Variants in WASHC4 observed in about 807,000 individuals in gnomAD.
WASHC4 encodes WASH complex subunit 7.
WASHC4 carries 86 observed loss-of-function variants against 166.6 expected under a neutral mutation model. That is an observed-to-expected ratio of 0.52 (90% CI 0.43 to 0.62). The LOEUF (loss-of-function observed/expected upper bound fraction) is 0.62. Among genes scored for constraint, WASHC4 ranks in the 20% least tolerant of loss-of-function variants. The pLI is 0.00. For synonymous variants in WASHC4, 446 were observed against 451.6 expected (o/e 0.99, Z 0.16); for missense variants, 1,262 against 1,382.4 (o/e 0.91, Z 1.38).
chr12:105,150,463 A>G lies in WASHC4; in HGVS notation c.2649+714A>G, dbSNP rs142677559. Among the ~76,000 whole-genome samples, 363 of 152,332 alleles carry G rather than the reference A, an allele frequency of 2.4e-3. 1 individual carries two copies. The highest frequency in any genetic ancestry group is 3.2e-3 in the Non-Finnish European group (219 of 68,024). On this transcript the variant is annotated intron_variant, in intron 25 of 32. Transcript: ENST00000332180. ...CCTAGCACTCCAAAAACACTTCACT[A>G]TTGATATTCCCACTGATAATTTATA...
intron 29 of WASHC4, among the ~76,000 whole-genome samples, chr12:105,160,515 G>A (rs1055832168): frequency 2.6e-5 from 4 of 151,806 alleles, no homozygotes; most frequent in African/African-American, 9.7e-5. Flanking sequence ...CCTAATTTTG[G>A]TAATTTGTTT....
At chr12:105,166,741 T>TTGA (rs1884831916) in intron 32 of WASHC4, 123 bp from the exon 33 acceptor site, 2 of 715,096 alleles carry the variant, frequency 2.8e-6, no homozygotes, top group Non-Finnish European at 5.0e-6. Flanking sequence ...AGAGAAACAT[T>TTGA]TGATGGATGC....
At chr12:105,137,406 A>G (rs559109146) in intron 14 of WASHC4, among the ~76,000 whole-genome samples, 5 of 152,290 alleles carry the variant, frequency 3.3e-5, no homozygotes, top group East Asian at 1.9e-4. Flanking sequence ...TTGGAACTCA[A>G]AAATTTCTTT....
At position 105,147,890 on chromosome 12, in the gene WASHC4, A is replaced by G; in HGVS notation, c.2514+744A>G. On this transcript the variant is annotated intron_variant, in intron 24 of 32. Coordinates refer to ENST00000332180, the MANE Select transcript of WASHC4 (RefSeq NM_015275.3). ...ATTGCACTCCAGCTTGGGCAGCAAG[A>G]GCGAAACTCCATCTCAAAAAAAAAA... 6 of 962,298 alleles carry G rather than the reference A, an allele frequency of 6.2e-6. No individual in the cohort carries two copies. The South Asian group carries it at 2.9e-4, about 46-fold the overall frequency. The allele number at this position is 962,298 out of a possible 1,614,324, so 59.6% of individuals were successfully genotyped here. A position where few individuals can be genotyped will look rare whatever the true frequency, so the allele number is the denominator to read the frequency against.
At chr12:105,136,032 A>C (rs1219864228) in intron 14 of WASHC4, among the ~76,000 whole-genome samples, 4 of 152,140 alleles carry the variant, frequency 2.6e-5, no homozygotes, top group Non-Finnish European at 5.9e-5. Flanking sequence ...TTTTGTACAC[A>C]GCTAGTCTAG....
intron 30 of WASHC4, 26 bp from the exon 31 acceptor site, chr12:105,164,085 A>T: frequency 3.1e-6 from 5 of 1,607,880 alleles, no homozygotes; most frequent in Non-Finnish European, 4.3e-6. Flanking sequence ...ACTGTAATTT[A>T]ACCTTAGTTT....
chr12:105,129,306 A>T (rs113048973), intron 13 of WASHC4, among the ~76,000 whole-genome samples: 2,583 of 152,250 alleles, frequency 0.017, 55 homozygotes, highest in African/African-American at 0.045. Flanking sequence ...GCTGGTCTTG[A>T]ACTCCTGACC....
chr12:105,146,314 C>A, intron 22 of WASHC4, 138 bp from the exon 23 acceptor site: 1 of 608,248 alleles, frequency 1.6e-6, no homozygotes, highest in Non-Finnish European at 2.9e-6. Context: ...AACGTTTGAT[C>A]GTACCTTTTA....
At position 105,126,047 on chromosome 12, in the gene WASHC4, C is replaced by G. The variant is rs750344306; in HGVS notation, c.830C>G (p.Ser277Cys). 149 of 1,612,438 alleles carry G rather than the reference C, an allele frequency of 9.2e-5. No individual in the cohort carries two copies. The highest frequency in any genetic ancestry group is 1.2e-4 in the Non-Finnish European group (136 of 1,178,976). ...QQFDSLNGGV[S>C]VSKNSTFAEE... is the part of the protein sequence containing the mutation. ...TTTGATTCTCTCAATGGAGGAGTAT[C>G]TGTGTCAAAAAATAGTACTTTTGCT... Residue 277 changes from serine (S) to cysteine (C), a missense_variant, in exon 11 of 33, where the codon TCT (serine) becomes TGT (cysteine). Coordinates refer to ENST00000332180, the MANE Select transcript of WASHC4 (RefSeq NM_015275.3).
chr12:105,117,157 G>A (rs1565994541), intron 6 of WASHC4, among the ~76,000 whole-genome samples: 1 of 152,134 alleles, frequency 6.6e-6, no homozygotes, highest in Non-Finnish European at 1.5e-5. Flanking sequence ...ATATGATTAT[G>A]TATATGTATT....
intron 25 of WASHC4, 100 bp downstream of exon 25, chr12:105,149,849 G>A: frequency 8.5e-7 from 1 of 1,175,204 alleles, no homozygotes. Flanking sequence ...TGGGGTTTTA[G>A]TTTTATTTTC....
At chr12:105,145,575 A>G (rs541166677) in intron 22 of WASHC4, among the ~76,000 whole-genome samples, 1 of 152,108 alleles carries the variant, frequency 6.6e-6, no homozygotes, top group African/African-American at 2.4e-5. Flanking sequence ...TCATTTATAT[A>G]TCTGATATTT....
chr12:105,125,926 T>C (rs1274937064), intron 10 of WASHC4, 78 bp from the exon 11 acceptor site: 3 of 1,293,880 alleles, frequency 2.3e-6, no homozygotes, highest in Admixed American at 3.5e-5. Context: ...TCATACACTG[T>C]ATTTAGTGTA....
In WASHC4 at chr12:105,122,284, C is replaced by T. The variant is rs375585798; in HGVS notation, c.786+46C>T. The T allele has an allele frequency of 4.2e-5, 67 of 1,588,520 alleles. 1 individual carries two copies. Among genetic ancestry groups the T allele is most frequent in the East Asian group, 1.1e-4 (5 of 44,536 alleles). On this transcript the variant is annotated intron_variant, in intron 10 of 32. Transcript: ENST00000332180. ...CTGTAACAGTGGGGCTCATATTAGA[C>T]GACAAAGCTCAGAATTATAGTAGGA...
chr12:105,161,086 T>A (rs1035252700), intron 29 of WASHC4, among the ~76,000 whole-genome samples: 2 of 152,138 alleles, frequency 1.3e-5, no homozygotes, highest in African/African-American at 4.8e-5. Flanking sequence ...TTAAAAAAAA[T>A]TGTAAGTAGA....
At chr12:105,126,528 G>A (rs565406036) in intron 12 of WASHC4, among the ~76,000 whole-genome samples, 166 bp downstream of exon 12, 6 of 151,970 alleles carry the variant, frequency 3.9e-5, no homozygotes, top group South Asian at 2.1e-4. Flanking sequence ...ATGAAAATAC[G>A]TCGTATTTCT....
At chr12:105,122,928 C>G (rs1376241020) in intron 10 of WASHC4, among the ~76,000 whole-genome samples, 1 of 152,174 alleles carries the variant, frequency 6.6e-6, no homozygotes, top group East Asian at 1.9e-4. Flanking sequence ...AATAGCCCTA[C>G]AGTGGCCTCT....
At chr12:105,166,837 C>T (rs1438070077) in intron 32 of WASHC4, 27 bp from the exon 33 acceptor site, 1 of 1,460,602 alleles carries the variant, frequency 6.8e-7, no homozygotes, top group East Asian at 2.3e-5. Flanking sequence ...CATAAATATC[C>T]ATTATTATTT....
intron 24 of WASHC4, chr12:105,147,737 C>G (rs2135810057): frequency 2.8e-6 from 1 of 353,934 alleles, no homozygotes; most frequent in East Asian, 1.6e-4. Flanking sequence ...GAAACCCCAT[C>G]TCTACTAAAA....
Sources: gnomAD v4.1 joint callset for allele counts (sites outside exome capture counted in the v4.1 genomes callset) on GRCh38, gnomAD v4.1.1 for gene constraint, MANE v1.5 for transcripts, NCBI Gene and HGNC (gene_info 2026-07-23, HGNC 2026-07-21) for gene names.